INPP4B: variants seen among roughly 807,000 people sequenced by gnomAD.
The protein encoded by INPP4B is inositol polyphosphate-4-phosphatase type II B, also known as inositol polyphosphate 4-phosphatase type II.
Under a neutral mutation model 122.5 loss-of-function variants are expected in INPP4B, and 55 were observed. That is an observed-to-expected ratio of 0.45 (90% CI 0.36 to 0.56). INPP4B has a LOEUF of 0.56. INPP4B is among the 20% of genes least tolerant of loss of function. The pLI is 0.00. For synonymous variants in INPP4B, 403 were observed against 388.7 expected, an observed-to-expected ratio of 1.04 and a Z score of -0.43; for missense variants, 1,000 against 1,097.7, an observed-to-expected ratio of 0.91 and a Z score of 1.26.
chr4:142,563,307 T>C (rs904758479), intron 2 of INPP4B, among the ~76,000 whole-genome samples: 4 of 152,172 alleles, frequency 2.6e-5, no homozygotes, highest in Admixed American at 2.6e-4. Context: ...TTTTAAGATG[T>C]AACTAAATCC....
At chr4:142,621,612 T>C (rs1940632753) in intron 2 of INPP4B, among the ~76,000 whole-genome samples, 1 of 151,982 alleles carries the variant, frequency 6.6e-6, no homozygotes, top group Admixed American at 6.6e-5. Flanking sequence ...CTCTTCTCAC[T>C]CTGAGAGATT....
chr4:142,261,777 A>C (rs1740148235), intron 10 of INPP4B, among the ~76,000 whole-genome samples: 1 of 152,200 alleles, frequency 6.6e-6, no homozygotes, highest in South Asian at 2.1e-4. Flanking sequence ...AGAATTCAAA[A>C]CACTGATTTA....
At chr4:142,130,037 G>A (rs1800534354) in intron 18 of INPP4B, among the ~76,000 whole-genome samples, 1 of 152,222 alleles carries the variant, frequency 6.6e-6, no homozygotes, top group African/African-American at 2.4e-5. Context: ...AGCTACAAAA[G>A]TTGGGACAGT....
intron 2 of INPP4B, among the ~76,000 whole-genome samples, chr4:142,576,525 A>G (rs1472990995): frequency 1.3e-5 from 2 of 151,956 alleles, no homozygotes; most frequent in Non-Finnish European, 2.9e-5. Flanking sequence ...AGAAATATCT[A>G]TTGACAATTG....
chr4:142,349,243 T>C (rs1305418436), intron 7 of INPP4B, among the ~76,000 whole-genome samples: 1 of 152,060 alleles, frequency 6.6e-6, no homozygotes, highest in African/African-American at 2.4e-5. Flanking sequence ...TACTTCTTTT[T>C]ATTTCCCCCC....
chr4:142,530,152 G>A (rs140506536), intron 2 of INPP4B, among the ~76,000 whole-genome samples: 123 of 152,188 alleles, frequency 8.1e-4, no homozygotes, highest in African/African-American at 2.8e-3. Context: ...AAGTACATTA[G>A]TTTTTGTTGC....
intron 2 of INPP4B, among the ~76,000 whole-genome samples, chr4:142,591,240 G>A (rs538003519): frequency 1.3e-5 from 2 of 151,890 alleles, no homozygotes; most frequent in South Asian, 4.2e-4. Context: ...AGCTAAGATC[G>A]AGCCACCGCA....
intron 25 of INPP4B, among the ~76,000 whole-genome samples, chr4:142,062,451 G>A (rs751630533): frequency 3.3e-5 from 5 of 152,096 alleles, no homozygotes; most frequent in African/African-American, 4.8e-5. Context: ...TACTTTATTA[G>A]GCTGGGTGTG....
At chr4:142,731,177 T>C (rs1266763482) in intron 1 of INPP4B, among the ~76,000 whole-genome samples, 3 of 152,138 alleles carry the variant, frequency 2.0e-5, no homozygotes, top group Admixed American at 6.5e-5. Context: ...TTCCCCTCCC[T>C]GTGTCCATGG....
intron 2 of INPP4B, among the ~76,000 whole-genome samples, chr4:142,702,272 T>G (rs961365305): frequency 2.0e-5 from 3 of 152,202 alleles, no homozygotes; most frequent in African/African-American, 7.2e-5. Context: ...CTGGGTAAAG[T>G]TGATTTCTTG....
chr4:142,244,400 C>T (rs984271316), intron 11 of INPP4B, among the ~76,000 whole-genome samples: 3 of 147,832 alleles, frequency 2.0e-5, no homozygotes, highest in Non-Finnish European at 4.4e-5. Context: ...CCTAGGTTCA[C>T]GTCATTCTCC....
At position 142,078,658 on chromosome 4, in the gene INPP4B, C is replaced by T. The variant is rs1256188058; in HGVS notation, c.2642+3373G>A. ...CTTTCATTTATATACTTTTGCTCAT[C>T]GTAAATAATTTGAAACTGCTACAGA... On this transcript the variant is annotated intron_variant, in intron 25 of 25. Coordinates refer to ENST00000262992, the MANE Select transcript of INPP4B (RefSeq NM_001101669.3). 2.6e-5 allele frequency among the ~76,000 whole-genome samples: 4 copies of T among 151,684 alleles called. No homozygotes were observed. The South Asian group carries it at 6.2e-4, about 24-fold the overall frequency.
intron 8 of INPP4B, 146 bp downstream of exon 8, chr4:142,314,566 T>C (rs1766767363): frequency 4.1e-6 from 3 of 726,236 alleles, no homozygotes; most frequent in Non-Finnish European, 7.0e-6. Context: ...ATTCAGCAAA[T>C]ATGTGACAGT....
chr4:142,697,219 C>G (rs368897843), intron 2 of INPP4B, among the ~76,000 whole-genome samples: 3 of 152,118 alleles, frequency 2.0e-5, no homozygotes, highest in Non-Finnish European at 4.4e-5. Context: ...GAAAACACAT[C>G]GGTAACTGAA....
intron 23 of INPP4B, among the ~76,000 whole-genome samples, chr4:142,091,615 A>G (rs1359023183): frequency 6.6e-6 from 1 of 152,202 alleles, no homozygotes; most frequent in Non-Finnish European, 1.5e-5. Context: ...ACAAACATTC[A>G]CAAACCCCAT....
intron 2 of INPP4B, among the ~76,000 whole-genome samples, chr4:142,673,196 T>C (rs2150641909): frequency 6.6e-6 from 1 of 152,304 alleles, no homozygotes; most frequent in South Asian, 2.1e-4. Context: ...TTAGAAAATA[T>C]TATTGTGGCT....
intron 1 of INPP4B, among the ~76,000 whole-genome samples, chr4:142,739,415 T>C (rs1037962465): frequency 6.6e-6 from 1 of 152,066 alleles, no homozygotes; most frequent in Non-Finnish European, 1.5e-5. Context: ...TATGAAGTGT[T>C]TGCCTATAGA....
At chr4:142,639,588 CT>C (rs539039951) in intron 2 of INPP4B, among the ~76,000 whole-genome samples, 1,637 of 151,218 alleles carry the variant, frequency 0.011, 27 homozygotes, top group African/African-American at 0.03. Flanking sequence ...TTGAAGAGCA[CT>C]TTTTTTTTGA....
At chr4:142,465,140 A>G (rs537002343) in intron 2 of INPP4B, among the ~76,000 whole-genome samples, 1 of 152,338 alleles carries the variant, frequency 6.6e-6, no homozygotes, top group East Asian at 1.9e-4. Flanking sequence ...AGCAATGAAT[A>G]GATACATCAA....
Sources: allele counts gnomAD v4.1 joint callset (sites outside exome capture counted in the v4.1 genomes callset), GRCh38; gene constraint gnomAD v4.1.1; transcripts MANE v1.5; gene names NCBI Gene and HGNC (gene_info 2026-07-23, HGNC 2026-07-21).